Variants in EFHD1 observed in about 807,000 individuals in gnomAD.
The protein encoded by EFHD1 is EF-hand domain family member D1.
Under a neutral mutation model 17.2 loss-of-function variants are expected in EFHD1, and 10 were observed. The observed-to-expected ratio is 0.58, with a 90% CI of 0.36 to 0.99. The LOEUF is 0.99. EFHD1 is among the 50% of genes least tolerant of loss of function. EFHD1 has a pLI of 0.01. For synonymous variants in EFHD1, 153 were observed against 142.0 expected (o/e 1.08, Z -0.55); for missense variants, 310 against 327.5 (o/e 0.95, Z 0.41).
intron 1 of EFHD1, among the ~76,000 whole-genome samples, chr2:232,651,664 T>C (rs1694656359): frequency 6.6e-6 from 1 of 152,052 alleles, no homozygotes; most frequent in Admixed American, 6.5e-5. Flanking sequence ...CTAACTCCAA[T>C]ACAAAAAATT....
At chr2:232,655,875 C>T (rs112728409) in intron 1 of EFHD1, among the ~76,000 whole-genome samples, 2 of 149,850 alleles carry the variant, frequency 1.3e-5, no homozygotes, top group East Asian at 2.0e-4. Flanking sequence ...GGCACGACCT[C>T]GGCTTACTGC....
chr2:232,646,052 C>T (rs140614952), intron 1 of EFHD1, among the ~76,000 whole-genome samples: 171 of 152,338 alleles, frequency 1.1e-3, no homozygotes, highest in Admixed American at 3.2e-3. Context: ...ACCACCTGCC[C>T]TGAGCCTGTA....
intron 1 of EFHD1, among the ~76,000 whole-genome samples, chr2:232,637,175 C>T (rs185281169): frequency 6.6e-6 from 1 of 152,272 alleles, no homozygotes; most frequent in East Asian, 1.9e-4. Flanking sequence ...CCGGGCTGTG[C>T]TGCCCTTGAG....
chr2:232,634,308 C>T (rs1170961680), intron 1 of EFHD1, among the ~76,000 whole-genome samples: 1 of 152,216 alleles, frequency 6.6e-6, no homozygotes, highest in African/African-American at 2.4e-5. Context: ...CTCCGCCCGC[C>T]AGTCCGGAGA....
At chr2:232,650,980 C>T (rs929620657) in intron 1 of EFHD1, among the ~76,000 whole-genome samples, 11 of 152,194 alleles carry the variant, frequency 7.2e-5, no homozygotes, top group Non-Finnish European at 1.6e-4. Context: ...GCTCAGGGAA[C>T]TCCAATAAGC....
intron 1 of EFHD1, among the ~76,000 whole-genome samples, chr2:232,654,381 CAG>C (rs1051956905): frequency 3.3e-5 from 5 of 150,656 alleles, no homozygotes; most frequent in African/African-American, 7.3e-5. Flanking sequence ...GTTCGAACCC[CAG>C]AGGTAAAAGG....
Position 232,674,452 on chromosome 2 carries a change from G to T in EFHD1, c.585+2009G>T, listed in dbSNP as rs566298060. On this transcript the variant is annotated intron_variant, in intron 3 of 3. Transcript: ENST00000264059. ...TTTTGTAAACATGAAATCCAACCTG[G>T]ATCATTATATGCCAAAGTATCAGTA... 4.6e-5 allele frequency among the ~76,000 whole-genome samples: 7 copies of T among 152,254 alleles called. No homozygotes were observed. In the South Asian group the frequency reaches 1.5e-3, roughly 32 times the overall value.
chr2:232,655,239 T>TTTTTAAGAGATA (rs1694739615), intron 1 of EFHD1, among the ~76,000 whole-genome samples: 1 of 152,026 alleles, frequency 6.6e-6, no homozygotes, highest in African/African-American at 2.4e-5. Flanking sequence ...AGGCTGGACT[T>TTTTTAAGAGATA]GACCTGCTGG....
chr2:232,675,515 C>G (rs1191681109), intron 3 of EFHD1, among the ~76,000 whole-genome samples: 4 of 152,136 alleles, frequency 2.6e-5, no homozygotes, highest in Non-Finnish European at 4.4e-5. Flanking sequence ...CCAGGCCCAC[C>G]CACATCCACC....
At chr2:232,617,028 C>T (rs1693938131) in intron 1 of EFHD1, among the ~76,000 whole-genome samples, 1 of 152,198 alleles carries the variant, frequency 6.6e-6, no homozygotes, top group South Asian at 2.1e-4. Flanking sequence ...TAATCTACTT[C>T]CAAGACCATG....
intron 1 of EFHD1, among the ~76,000 whole-genome samples, chr2:232,612,585 A>AC (rs1693830550): frequency 6.6e-6 from 1 of 152,118 alleles, no homozygotes; most frequent in Admixed American, 6.6e-5. Flanking sequence ...TACCATTTCC[A>AC]CCCCATTGGA....
chr2:232,613,854 A>G (rs1421090972), intron 1 of EFHD1, among the ~76,000 whole-genome samples: 1 of 151,404 alleles, frequency 6.6e-6, no homozygotes, highest in Non-Finnish European at 1.5e-5. Flanking sequence ...ACACAAATAT[A>G]TACACACATA....
At chr2:232,656,817 C>T (rs928292567) in intron 1 of EFHD1, among the ~76,000 whole-genome samples, 1 of 152,170 alleles carries the variant, frequency 6.6e-6, no homozygotes, top group African/African-American at 2.4e-5. Flanking sequence ...GAGACAGGGT[C>T]GCATGCTGTC....
chr2:232,674,443 T>C (rs1695135761), intron 3 of EFHD1, among the ~76,000 whole-genome samples: 1 of 152,218 alleles, frequency 6.6e-6, no homozygotes, highest in African/African-American at 2.4e-5. Context: ...AAACATGAAA[T>C]CCAACCTGGA....
upstream of EFHD1, among the ~76,000 whole-genome samples, chr2:232,632,976 C>G (rs1416335060): frequency 6.6e-6 from 1 of 152,276 alleles, no homozygotes; most frequent in Non-Finnish European, 1.5e-5. Context: ...TGAAGCTACG[C>G]TGCTTTCCTG....
chr2:232,653,275 G>A (rs1694692243), intron 1 of EFHD1, among the ~76,000 whole-genome samples: 1 of 152,072 alleles, frequency 6.6e-6, no homozygotes, highest in Admixed American at 6.6e-5. Flanking sequence ...TTACAGGCAT[G>A]AGCCACTGTG....
Position 232,660,759 on chromosome 2 carries a change from T to C in EFHD1, c.303-2043T>C, listed in dbSNP as rs1694850809. On this transcript the variant is annotated intron_variant, in intron 1 of 3. Transcript: ENST00000264059. ...CTAGGAGGCCAAGGCGGGCGGATCA[T>C]GTGAGGTCAGGTGTTCGAGACCAGC... 3.9e-5 allele frequency among the ~76,000 whole-genome samples: 6 copies of C among 152,144 alleles called. 1 individual carries two copies. In the South Asian group the frequency reaches 1.0e-3, roughly 26 times the overall value.
chr2:232,641,693 T>C (rs1028881121), intron 1 of EFHD1, among the ~76,000 whole-genome samples: 7 of 152,254 alleles, frequency 4.6e-5, no homozygotes, highest in Non-Finnish European at 1.0e-4. Context: ...TGATTTGGCC[T>C]GCAGGCCCAA....
intron 1 of EFHD1, among the ~76,000 whole-genome samples, chr2:232,659,545 C>T (rs1460875388): frequency 6.6e-6 from 1 of 152,086 alleles, no homozygotes; most frequent in Non-Finnish European, 1.5e-5. Context: ...TCCTCTCCAG[C>T]CTGACCTTGG....
Sources: allele counts gnomAD v4.1 joint callset (sites outside exome capture counted in the v4.1 genomes callset), GRCh38; gene constraint gnomAD v4.1.1; transcripts MANE v1.5; gene names NCBI Gene and HGNC (gene_info 2026-07-23, HGNC 2026-07-21).